The following GPHN variants were observed in gnomAD, a reference collection of about 807,000 sequenced individuals.
GPHN encodes the protein gephyrin.
Under a neutral mutation model 95.5 loss-of-function variants are expected in GPHN, and 17 were observed. That is an observed-to-expected ratio of 0.18 (90% CI 0.12 to 0.27). The LOEUF (loss-of-function observed/expected upper bound fraction) is 0.27. GPHN is among the 10% of genes least tolerant of loss of function. The probability of loss-of-function intolerance (pLI) is 1.00; values close to 1 mark genes in which losing one functional copy is unlikely to be tolerated. For synonymous variants in GPHN, 320 were observed against 322.5 expected (o/e 0.99, Z 0.08); for missense variants, 660 against 978.1 (o/e 0.67, Z 4.34).
the GPHN span, among the ~76,000 whole-genome samples, chr14:67,406,258 C>CAAAA: frequency 3.7e-5 from 4 of 107,246 alleles, no homozygotes; most frequent in South Asian, 2.9e-4. Context: ...GATTCCATCT[C>CAAAA]AAAAAAAAAA....
At chr14:67,684,945 T>C in the GPHN span, 1 of 1,301,142 alleles carries the variant, frequency 7.7e-7, no homozygotes, top group Non-Finnish European at 1.1e-6. Context: ...AAAAAGGGTA[T>C]ACCCAGACAA....
chr14:66,758,752 ATT>A (rs1172763809), intron 2 of GPHN, among the ~76,000 whole-genome samples: 1 of 152,126 alleles, frequency 6.6e-6, no homozygotes, highest in African/African-American at 2.4e-5. Context: ...TACCCCATTT[ATT>A]TCTATCACCT....
At chr14:66,806,451 T>C (rs902014123) in intron 3 of GPHN, among the ~76,000 whole-genome samples, 7 of 152,180 alleles carry the variant, frequency 4.6e-5, no homozygotes, top group Admixed American at 6.5e-5. Context: ...CAGAAATTCT[T>C]TTCTATTTCT....
the GPHN span, among the ~76,000 whole-genome samples, chr14:67,495,250 T>G: frequency 6.6e-6 from 1 of 152,134 alleles, no homozygotes; most frequent in Non-Finnish European, 1.5e-5. Context: ...CTGGAAACAT[T>G]TCCTCTTCCA....
chr14:67,193,563 A>G, the GPHN span, among the ~76,000 whole-genome samples: 1 of 144,740 alleles, frequency 6.9e-6, no homozygotes, highest in Non-Finnish European at 1.5e-5. Context: ...ATAGATCTAT[A>G]TCTATATAGA....
downstream of GPHN, among the ~76,000 whole-genome samples, chr14:67,183,859 TTC>T (rs1364965471): frequency 6.6e-6 from 1 of 151,310 alleles, no homozygotes; most frequent in African/African-American, 2.4e-5. Flanking sequence ...TGTTTTTCTT[TTC>T]TTTTTTTTTT....
At chr14:67,103,034 T>C (rs766101529) in intron 13 of GPHN, among the ~76,000 whole-genome samples, 39 of 152,150 alleles carry the variant, frequency 2.6e-4, no homozygotes, top group Non-Finnish European at 1.8e-4. Context: ...TGTTTGTTTG[T>C]TTGTTTGGGT....
intron 1 of GPHN, among the ~76,000 whole-genome samples, chr14:66,569,082 A>G (rs1421776501): frequency 6.6e-6 from 1 of 152,162 alleles, no homozygotes; most frequent in Non-Finnish European, 1.5e-5. Flanking sequence ...GTGGTTCTTA[A>G]TTCATTACTA....
At chr14:66,585,199 A>G (rs1201653444) in intron 1 of GPHN, among the ~76,000 whole-genome samples, 1 of 151,964 alleles carries the variant, frequency 6.6e-6, no homozygotes, top group Non-Finnish European at 1.5e-5. Flanking sequence ...GTATTCTCTG[A>G]TGGTAGTTTG....
chr14:67,604,927 G>C, the GPHN span, among the ~76,000 whole-genome samples: 42,064 of 151,816 alleles, frequency 0.28, 7,419 homozygotes, highest in African/African-American at 0.51. Flanking sequence ...CAAATTTCTC[G>C]GTCTATTTCC....
intron 18 of GPHN, among the ~76,000 whole-genome samples, chr14:67,157,924 G>A (rs1002563602): frequency 2.0e-5 from 3 of 152,012 alleles, no homozygotes; most frequent in African/African-American, 7.2e-5. Context: ...GAATGTAGAC[G>A]GAGAGAAAGA....
chr14:66,798,996 G>A (rs1397920114), intron 3 of GPHN, among the ~76,000 whole-genome samples: 1 of 151,200 alleles, frequency 6.6e-6, no homozygotes, highest in African/African-American at 2.4e-5. Flanking sequence ...TATCCCATAG[G>A]TTTTGATATG....
intron 20 of GPHN, among the ~76,000 whole-genome samples, chr14:67,167,433 A>G (rs2082344729): frequency 6.6e-6 from 1 of 152,116 alleles, no homozygotes; most frequent in South Asian, 2.1e-4. Context: ...GAAGCAAGGG[A>G]AAGTAATTGA....
the GPHN span, among the ~76,000 whole-genome samples, chr14:67,505,674 G>A: frequency 6.6e-6 from 1 of 151,986 alleles, no homozygotes; most frequent in South Asian, 2.1e-4. Context: ...AGGGGCTGAG[G>A]AAGGAGCAAT....
chr14:67,614,151 G>C, the GPHN span, among the ~76,000 whole-genome samples: 1 of 152,088 alleles, frequency 6.6e-6, no homozygotes, highest in African/African-American at 2.4e-5. Flanking sequence ...TGTCTAGGCT[G>C]GTCCTGAACT....
chr14:66,865,137 T>C (rs149578144), intron 4 of GPHN, among the ~76,000 whole-genome samples: 9 of 152,168 alleles, frequency 5.9e-5, no homozygotes, highest in South Asian at 2.1e-4. Flanking sequence ...GTAAGGGGAC[T>C]AAGTATAAAA....
the GPHN span, among the ~76,000 whole-genome samples, chr14:67,298,732 A>C: frequency 6.6e-6 from 1 of 152,144 alleles, no homozygotes; most frequent in Non-Finnish European, 1.5e-5. Context: ...ATTTTGACAT[A>C]TATGTACATC....
chr14:67,192,547 G>C, the GPHN span, among the ~76,000 whole-genome samples: 13 of 151,812 alleles, frequency 8.6e-5, no homozygotes, highest in Non-Finnish European at 1.6e-4. Context: ...GCAAAGCAGA[G>C]TGCAAGGAGC....
At chr14:67,725,772 C>T in the GPHN span, among the ~76,000 whole-genome samples, 1 of 152,160 alleles carries the variant, frequency 6.6e-6, no homozygotes, top group Non-Finnish European at 1.5e-5. Flanking sequence ...AATGAATGAA[C>T]AATGTCCAGG....
Sources: gnomAD v4.1 joint callset for allele counts (sites outside exome capture counted in the v4.1 genomes callset) on GRCh38, gnomAD v4.1.1 for gene constraint, MANE v1.5 for transcripts, NCBI Gene and HGNC (gene_info 2026-07-23, HGNC 2026-07-21) for gene names.